The following CS variants were observed in gnomAD, a reference collection of about 807,000 sequenced individuals.
CS encodes citrate synthase, also known as citrate synthase, mitochondrial.
Under a neutral mutation model 61.4 loss-of-function variants are expected in CS, and 13 were observed. The observed-to-expected ratio is 0.21, with a 90% CI of 0.14 to 0.34. The LOEUF (loss-of-function observed/expected upper bound fraction) is 0.34. CS is among the 10% of genes least tolerant of loss of function. The probability of loss-of-function intolerance (pLI) is 1.00; values close to 1 mark genes in which losing one functional copy is unlikely to be tolerated. For synonymous variants in CS, 159 were observed against 215.2 expected, an observed-to-expected ratio of 0.74 and a Z score of 2.29; for missense variants, 278 against 573.4, an observed-to-expected ratio of 0.48 and a Z score of 5.26.
At chr12:56,298,668 C>T (rs1873383709) in intron 1 of CS, 7 of 985,426 alleles carry the variant, frequency 7.1e-6, no homozygotes, top group Non-Finnish European at 8.4e-6. Flanking sequence ...CCCAAATGCT[C>T]AGCTAGTACT....
rs187457005 is a variant in CS at position 56,294,025 on chromosome 12, G to A, written c.42+6135C>T. On this transcript the variant is annotated intron_variant, in intron 1 of 10. Coordinates refer to ENST00000351328, the MANE Select transcript of CS (RefSeq NM_004077.3). The stretch of plus-strand genomic sequence containing the variant: ...CCATTTAATGTGTGTGTTTCACAAC[G>A]GTGATACTGGAAGTCGGTTTGGCAC... Among the ~76,000 whole-genome samples the A allele has an allele frequency of 2.2e-4, 33 of 152,294 alleles. No homozygotes were observed. The East Asian group carries it at 5.6e-3, about 26-fold the overall frequency.
intron 7 of CS, 81 bp from the exon 8 acceptor site, chr12:56,275,212 C>T (rs1872597389): frequency 6.4e-7 from 1 of 1,553,332 alleles, no homozygotes; most frequent in Non-Finnish European, 8.8e-7. Flanking sequence ...TTATTTGCCA[C>T]TTACTAGCCT....
At chr12:56,294,480 A>G (rs1215898875) in intron 1 of CS, among the ~76,000 whole-genome samples, 25 of 151,056 alleles carry the variant, frequency 1.7e-4, no homozygotes, top group Middle Eastern at 3.4e-3. Flanking sequence ...TCTCAAAAAA[A>G]AAAAAAAAAA....
intron 3 of CS, among the ~76,000 whole-genome samples, chr12:56,284,814 G>A (rs1159193067): frequency 1.3e-5 from 2 of 148,962 alleles, no homozygotes; most frequent in South Asian, 4.2e-4. Flanking sequence ...CAGAAGAATC[G>A]CTTGAACCCG....
At chr12:56,273,925 C>T in intron 9 of CS, 129 bp from the exon 10 acceptor site, 1 of 751,770 alleles carries the variant, frequency 1.3e-6, no homozygotes, top group South Asian at 1.6e-5. Flanking sequence ...CCTCGACCTC[C>T]CAGGCTCAGG....
At chr12:56,278,275 C>G (rs1013285436) in intron 6 of CS, among the ~76,000 whole-genome samples, 1 of 152,082 alleles carries the variant, frequency 6.6e-6, no homozygotes, top group Non-Finnish European at 1.5e-5. Flanking sequence ...GGATTACAGG[C>G]GTGCGCCACC....
rs558358188 is a variant in CS at position 56,276,894 on chromosome 12, A to G, written c.589-699T>C. On this transcript the variant is annotated intron_variant, in intron 6 of 10. Coordinates refer to ENST00000351328, the MANE Select transcript of CS (RefSeq NM_004077.3). ...TCACTACACCATGACTTGACGTTCA[A>G]TGTGTTAAGACAGCAGGTTTTACAG... 3.3e-5 allele frequency among the ~76,000 whole-genome samples: 5 copies of G among 152,112 alleles called. No individual in the cohort carries two copies. In the South Asian group the frequency reaches 1.0e-3, roughly 32 times the overall value.
chr12:56,296,554 G>A (rs1170004160), intron 1 of CS, among the ~76,000 whole-genome samples: 10 of 152,124 alleles, frequency 6.6e-5, no homozygotes, highest in African/African-American at 1.7e-4. Context: ...GCCTCATTAC[G>A]GTTTTAAATT....
intron 6 of CS, among the ~76,000 whole-genome samples, chr12:56,280,658 G>A (rs570073250): frequency 5.9e-5 from 9 of 151,380 alleles, no homozygotes; most frequent in African/African-American, 1.5e-4. Flanking sequence ...GGCTGGGCAC[G>A]GTGGTTCACA....
In CS at chr12:56,272,164, A is replaced by G. The variant is rs1417919820; in HGVS notation, c.*920T>C. 1 of 280,724 alleles carries G rather than the reference A, an allele frequency of 3.6e-6. No homozygotes were observed. The highest frequency in any genetic ancestry group is 1.1e-4 in the East Asian group (1 of 9,476). The allele number at this position is 280,724 out of a possible 1,614,324, so 17.4% of individuals were successfully genotyped here. A position where few individuals can be genotyped will look rare whatever the true frequency, so the allele number is the denominator to read the frequency against. The stretch of plus-strand genomic sequence containing the variant: ...ATACCCCGGGGACAAGACTCTGAAA[A>G]TATCATGCTGGTCATTCCGGAGTTC... On this transcript the variant is annotated 3_prime_UTR_variant, in exon 11 of 11. Transcript: ENST00000351328.
chr12:56,278,726 C>A (rs1872692968), intron 6 of CS, among the ~76,000 whole-genome samples: 1 of 149,020 alleles, frequency 6.7e-6, no homozygotes, highest in Non-Finnish European at 1.5e-5. Context: ...GACAGAGACT[C>A]TGTCTCGGAA....
chr12:56,291,874 G>C (rs1873135097), intron 1 of CS: 1 of 152,216 alleles, frequency 6.6e-6, no homozygotes, highest in Non-Finnish European at 1.5e-5. Context: ...ATTCTCTATA[G>C]GGTGGAGGTG....
At chr12:56,281,024 C>A (rs1872763880) in intron 6 of CS, among the ~76,000 whole-genome samples, 1 of 152,166 alleles carries the variant, frequency 6.6e-6, no homozygotes, top group Non-Finnish European at 1.5e-5. Context: ...CTAGATTTGC[C>A]AAGGACCCAA....
intron 7 of CS, chr12:56,275,471 G>A (rs950547050): frequency 4.3e-6 from 1 of 234,868 alleles, no homozygotes; most frequent in African/African-American, 2.3e-5. Context: ...TACTTGGGAG[G>A]CTGAGGCAGC....
At chr12:56,279,129 C>T (rs1211162286) in intron 6 of CS, among the ~76,000 whole-genome samples, 1 of 152,160 alleles carries the variant, frequency 6.6e-6, no homozygotes, top group East Asian at 1.9e-4. Flanking sequence ...AATTCAACAG[C>T]TTAAGGCTAC....
At chr12:56,280,440 A>AAAAGACCC (rs1555162654) in intron 6 of CS, among the ~76,000 whole-genome samples, 1 of 119,848 alleles carries the variant, frequency 8.3e-6, no homozygotes. Flanking sequence ...AAAAAAAACA[A>AAAAGACCC]AAAAATTAGC....
chr12:56,290,670 C>G (rs1873093561), intron 1 of CS, among the ~76,000 whole-genome samples: 1 of 151,118 alleles, frequency 6.6e-6, no homozygotes, highest in Non-Finnish European at 1.5e-5. Flanking sequence ...CTTAGGACAA[C>G]TTTATCTAAT....
chr12:56,287,986 A>G (rs1468122576), intron 1 of CS, among the ~76,000 whole-genome samples: 1 of 152,170 alleles, frequency 6.6e-6, no homozygotes, highest in African/African-American at 2.4e-5. Context: ...AAGATGACCA[A>G]TCAGGTTACT....
intron 5 of CS, 27 bp downstream of exon 5, chr12:56,282,833 A>T (rs769399801): frequency 6.2e-7 from 1 of 1,612,382 alleles, no homozygotes; most frequent in Non-Finnish European, 8.5e-7. Flanking sequence ...GGGAATGAGA[A>T]GAGCTAATAA....
Sources: allele counts gnomAD v4.1 joint callset (sites outside exome capture counted in the v4.1 genomes callset), GRCh38; gene constraint gnomAD v4.1.1; transcripts MANE v1.5; gene names NCBI Gene and HGNC (gene_info 2026-07-23, HGNC 2026-07-21).